Variants in PAM observed in about 807,000 individuals in gnomAD.
PAM encodes the protein peptidylglycine alpha-amidating monooxygenase.
A neutral mutation model predicts 122.1 loss-of-function variants in PAM; 72 were observed. That is an observed-to-expected ratio of 0.59 (90% CI 0.49 to 0.72). The LOEUF (loss-of-function observed/expected upper bound fraction) is 0.72, where lower values mean the gene tolerates loss of function less well. Among genes scored for constraint, PAM ranks in the 30% least tolerant of loss-of-function variants. PAM has a pLI of 0.00. For synonymous variants in PAM, 389 were observed against 404.4 expected (o/e 0.96, Z 0.46); for missense variants, 1,106 against 1,183.7 (o/e 0.93, Z 0.96).
intron 23 of PAM, 105 bp from the exon 24 acceptor site, chr5:103,025,026 A>C: frequency 1.3e-6 from 1 of 760,746 alleles, no homozygotes; most frequent in East Asian, 2.5e-5. Flanking sequence ...ACTGGAGTCA[A>C]CAAGTTCTTT....
intron 1 of PAM, among the ~76,000 whole-genome samples, chr5:102,832,933 A>C (rs2150458591): frequency 6.6e-6 from 1 of 152,262 alleles, no homozygotes; most frequent in South Asian, 2.1e-4. Flanking sequence ...TAAAATCAAG[A>C]CTGTTTGACT....
chr5:102,848,477 T>C lies in PAM; in HGVS notation c.-373-17346T>C, dbSNP rs1780511686. ...AAAGGGGAACCCTATATATACTGAC[T>C]TATGAGCGTCCCACAAAGAAAAGAC... On this transcript the variant is annotated intron_variant, in intron 1 of 25. Transcript: ENST00000438793. Among the ~76,000 whole-genome samples, 3 of 152,318 alleles carry C rather than the reference T, an allele frequency of 2.0e-5. No homozygotes were observed. The South Asian group carries it at 6.2e-4, about 32-fold the overall frequency.
chr5:103,026,645 C>T (rs55810112), intron 24 of PAM, among the ~76,000 whole-genome samples: 37,727 of 152,056 alleles, frequency 0.25, 5,257 homozygotes, highest in East Asian at 0.45. Context: ...ATCTTGAGTA[C>T]TGATATGTCC....
At chr5:103,005,100 C>A in intron 17 of PAM, 54 bp from the exon 18 acceptor site, 1 of 1,014,106 alleles carries the variant, frequency 9.9e-7, no homozygotes, top group South Asian at 1.3e-5. Context: ...AAATTTCTGT[C>A]ACATATGCCT....
At chr5:102,868,840 G>T (rs2150979492) in intron 3 of PAM, among the ~76,000 whole-genome samples, 1 of 152,090 alleles carries the variant, frequency 6.6e-6, no homozygotes, top group South Asian at 2.1e-4. Flanking sequence ...CAATAATAAT[G>T]GGCAACTGTG....
At chr5:102,900,582 C>T (rs1379115134) in intron 3 of PAM, among the ~76,000 whole-genome samples, 1 of 151,372 alleles carries the variant, frequency 6.6e-6, no homozygotes, top group Admixed American at 6.6e-5. Flanking sequence ...CTGATCATTC[C>T]AGCTCTGTGC....
chr5:102,888,715 T>C (rs767912509), intron 3 of PAM, among the ~76,000 whole-genome samples: 22 of 151,920 alleles, frequency 1.4e-4, no homozygotes, highest in Non-Finnish European at 2.7e-4. Flanking sequence ...ATTCCTCCCT[T>C]CCTGTGTGAA....
intron 16 of PAM, among the ~76,000 whole-genome samples, chr5:103,000,955 CAA>C (rs574226841): frequency 6.0e-5 from 9 of 150,696 alleles, no homozygotes; most frequent in African/African-American, 2.2e-4. Flanking sequence ...AATAGGAGAA[CAA>C]AAAAAAATTA....
At chr5:102,812,061 A>G (rs780564730) in intron 1 of PAM, among the ~76,000 whole-genome samples, 1 of 152,196 alleles carries the variant, frequency 6.6e-6, no homozygotes, top group African/African-American at 2.4e-5. Context: ...TACCTGGGCC[A>G]CTAGAGAGCC....
At chr5:102,771,100 A>C (rs1185844413) in intron 1 of PAM, among the ~76,000 whole-genome samples, 1 of 152,152 alleles carries the variant, frequency 6.6e-6, no homozygotes, top group Non-Finnish European at 1.5e-5. Flanking sequence ...AGAGAAAACA[A>C]AAAAGCCAGT....
chr5:102,848,239 T>C (rs1257924389), intron 1 of PAM, among the ~76,000 whole-genome samples: 1 of 152,172 alleles, frequency 6.6e-6, no homozygotes, highest in Admixed American at 6.5e-5. Context: ...GAAGAGGATG[T>C]TGATACCGGT....
chr5:102,869,836 G>T (rs565131851), intron 3 of PAM, among the ~76,000 whole-genome samples: 1 of 152,008 alleles, frequency 6.6e-6, no homozygotes, highest in African/African-American at 2.4e-5. Flanking sequence ...AAGTCCTTAA[G>T]AGGAAAGGAG....
At chr5:102,831,392 A>G (rs916001475) in intron 1 of PAM, among the ~76,000 whole-genome samples, 2 of 151,964 alleles carry the variant, frequency 1.3e-5, no homozygotes. Context: ...CTTCATATGC[A>G]TATCTTTTAA....
Position 102,814,695 on chromosome 5 carries a change from T to C in PAM, c.-373-51128T>C, listed in dbSNP as rs116276982. ...ATGGTAATTTTTGCCAAGCAGCAAA[T>C]TGCAGTTGGGATTTCATAAATTCAT... On this transcript the variant is annotated intron_variant, in intron 1 of 25. Transcript: ENST00000438793. Among the ~76,000 whole-genome samples the C allele has an allele frequency of 5.6e-3, 847 of 151,702 alleles. 11 individuals carry two copies. The highest frequency in any genetic ancestry group is 0.019 in the African/African-American group (794 of 41,394).
intron 12 of PAM, among the ~76,000 whole-genome samples, chr5:102,958,792 A>G (rs1428989743): frequency 6.6e-6 from 1 of 152,086 alleles, no homozygotes; most frequent in Non-Finnish European, 1.5e-5. Flanking sequence ...TGCTGATGTC[A>G]TACTGTTGCT....
At chr5:102,969,380 T>G (rs1765132627) in intron 14 of PAM, among the ~76,000 whole-genome samples, 1 of 151,508 alleles carries the variant, frequency 6.6e-6, no homozygotes, top group Non-Finnish European at 1.5e-5. Context: ...CCAAGGTGGG[T>G]AGGGTGCCAT....
At position 102,790,258 on chromosome 5, in the gene PAM, C is replaced by T. The variant is rs570491309; in HGVS notation, c.-374+34910C>T. Among the ~76,000 whole-genome samples the T allele has an allele frequency of 3.3e-5, 5 of 152,098 alleles. No homozygotes were observed. In the East Asian group the frequency reaches 5.8e-4, roughly 18 times the overall value. On this transcript the variant is annotated intron_variant, in intron 1 of 25. Transcript: ENST00000438793. ...TGTCCGACATAGGAGATTATGGAAA[C>T]GAATGTGTCCTGGCTATGCCGCAAA...
intron 7 of PAM, among the ~76,000 whole-genome samples, chr5:102,930,248 G>C (rs971881530): frequency 5.9e-5 from 9 of 152,156 alleles, no homozygotes; most frequent in Admixed American, 2.6e-4. Context: ...TTGTATTCTA[G>C]TAGGTGAGAC....
intron 1 of PAM, among the ~76,000 whole-genome samples, chr5:102,792,556 T>C (rs73183195): frequency 0.032 from 4,891 of 152,246 alleles, 271 homozygotes; most frequent in African/African-American, 0.11. Flanking sequence ...ACATAATGCA[T>C]GGTAACCCAT....
Sources: allele counts gnomAD v4.1 joint callset (sites outside exome capture counted in the v4.1 genomes callset), GRCh38; gene constraint gnomAD v4.1.1; transcripts MANE v1.5; gene names NCBI Gene and HGNC (gene_info 2026-07-23, HGNC 2026-07-21).